MAP3K20: variants seen among roughly 807,000 people sequenced by gnomAD.
MAP3K20 encodes mitogen-activated protein kinase kinase kinase 20.
A neutral mutation model predicts 85.7 loss-of-function variants in MAP3K20; 40 were observed. That is an observed-to-expected ratio of 0.47 (90% confidence interval 0.36 to 0.61). The LOEUF (loss-of-function observed/expected upper bound fraction) is 0.61, where lower values mean the gene tolerates loss of function less well. Ranked by LOEUF, MAP3K20 falls within the 20% of genes least tolerant of loss-of-function variation. MAP3K20 has a pLI of 0.00. For synonymous variants in MAP3K20, 325 were observed against 327.7 expected, an observed-to-expected ratio of 0.99 and a Z score of 0.09; for missense variants, 817 against 961.7, an observed-to-expected ratio of 0.85 and a Z score of 1.99.
At chr2:173,156,413 A>G (rs1430075151) in intron 2 of MAP3K20, among the ~76,000 whole-genome samples, 4 of 152,138 alleles carry the variant, frequency 2.6e-5, no homozygotes, top group African/African-American at 9.7e-5. Flanking sequence ...AAGGGTTTCT[A>G]AGTGAGGTGG....
At chr2:173,095,915 C>T (rs1311016545) in intron 2 of MAP3K20, among the ~76,000 whole-genome samples, 2 of 151,974 alleles carry the variant, frequency 1.3e-5, no homozygotes, top group East Asian at 3.8e-4. Context: ...TTCATATTTT[C>T]CTATGATGAT....
chr2:173,123,547 GA>G (rs932096222), intron 2 of MAP3K20, among the ~76,000 whole-genome samples: 1 of 152,174 alleles, frequency 6.6e-6, no homozygotes, highest in Non-Finnish European at 1.5e-5. Flanking sequence ...AAGTTTTCCA[GA>G]AAAAGAAAGC....
intron 10 of MAP3K20, among the ~76,000 whole-genome samples, chr2:173,216,697 T>G (rs1684083765): frequency 6.6e-6 from 1 of 152,208 alleles, no homozygotes; most frequent in Admixed American, 6.5e-5. Context: ...GATGGTGTGT[T>G]GTTGACCACC....
intron 2 of MAP3K20, among the ~76,000 whole-genome samples, chr2:173,162,650 C>T (rs1689695212): frequency 6.8e-6 from 1 of 147,830 alleles, no homozygotes; most frequent in South Asian, 2.1e-4. Context: ...TGCGCCATTG[C>T]ACTCCAGCCT....
intron 2 of MAP3K20, among the ~76,000 whole-genome samples, chr2:173,142,533 A>G (rs781114858): frequency 6.6e-6 from 1 of 152,098 alleles, no homozygotes; most frequent in Non-Finnish European, 1.5e-5. Context: ...GAAGTGAGCA[A>G]GCATCTTACA....
At position 173,182,925 on chromosome 2, in the gene MAP3K20, A is replaced by G. The variant is rs759664582; in HGVS notation, c.319A>G (p.Ile107Val). The G allele has an allele frequency of 6.2e-7, 1 of 1,610,984 alleles. No homozygotes were observed. The highest frequency in any genetic ancestry group is 2.2e-5 in the East Asian group (1 of 44,694). The stretch of plus-strand genomic sequence containing the variant: ...AAGTGAGGAGATGGATATGGATCAC[A>G]TTATGACCTGGGCCACTGATGTAGC... ...NRSEEMDMDHIMTWATDVAKG... is the reference protein window; with the variant it reads ...NRSEEMDMDHVMTWATDVAKG... Residue 107 changes from isoleucine to valine, a missense_variant, in exon 4 of 20, where the codon ATT becomes GTT. Physicochemically the swap from Ile to Val is conservative, Grantham distance 29. Around this residue, in one of 4 missense-constraint regions of MAP3K20, gnomAD observed 200 missense variants for 302.7 expected, o/e 0.66. Coordinates refer to ENST00000375213, the MANE Select transcript of MAP3K20 (RefSeq NM_016653.3).
chr2:173,189,442 A>G (rs914574566), intron 5 of MAP3K20, among the ~76,000 whole-genome samples: 4 of 152,162 alleles, frequency 2.6e-5, no homozygotes, highest in Non-Finnish European at 4.4e-5. Context: ...TCAGAACTTT[A>G]TCCTTGGACT....
rs1336090851 is a variant in MAP3K20 at position 173,172,343 on chromosome 2, TA to T, written c.247+2453del. ...CAATTTGAGGTAGTTTTTTTTTTTT[TA>T]ATAGAAAAGGTTGTTGCAGCAGGCA... On this transcript the variant is annotated intron_variant, in intron 3 of 19. Transcript: ENST00000375213. Among the ~76,000 whole-genome samples the T allele has an allele frequency of 4.1e-5, 6 of 146,344 alleles. No individual in the cohort carries two copies. The East Asian group carries it at 1.2e-3, about 29-fold the overall frequency.
intron 2 of MAP3K20, among the ~76,000 whole-genome samples, chr2:173,138,507 G>T (rs567794320): frequency 6.6e-6 from 1 of 152,270 alleles, no homozygotes; most frequent in South Asian, 2.1e-4. Context: ...GAAAAGTTCT[G>T]TTCTCTTAGA....
chr2:173,245,499 G>A (rs899062828), intron 16 of MAP3K20, among the ~76,000 whole-genome samples: 1 of 152,198 alleles, frequency 6.6e-6, no homozygotes, highest in Admixed American at 6.5e-5. Context: ...CAAGTGAAAT[G>A]TGCTTTTTCT....
At chr2:173,201,026 T>C (rs926475000) in intron 8 of MAP3K20, among the ~76,000 whole-genome samples, 5 of 152,346 alleles carry the variant, frequency 3.3e-5, no homozygotes, top group African/African-American at 1.2e-4. Context: ...TGTAGTATAC[T>C]GTCAAGACCA....
chr2:173,089,781 C>G (rs1687241764), intron 1 of MAP3K20, among the ~76,000 whole-genome samples: 2 of 152,094 alleles, frequency 1.3e-5, no homozygotes, highest in African/African-American at 4.8e-5. Context: ...TCATGTTGGC[C>G]AGGCTGGTCT....
At position 173,176,301 on chromosome 2, in the gene MAP3K20, T is replaced by A. The variant is rs1426124469; in HGVS notation, c.247+6409T>A. 2.0e-5 allele frequency among the ~76,000 whole-genome samples: 3 copies of A among 152,124 alleles called. No individual in the cohort carries two copies. In the East Asian group the frequency reaches 5.8e-4, roughly 29 times the overall value. ...GGTTTTTCTACCTTTAAAATAAAGA[T>A]AATGATGAATAAAAATAAAAACATA... On this transcript the variant is annotated intron_variant, in intron 3 of 19. Coordinates refer to ENST00000375213, the MANE Select transcript of MAP3K20 (RefSeq NM_016653.3).
At chr2:173,222,079 G>A (rs1684267712) in intron 11 of MAP3K20, 1 of 927,424 alleles carries the variant, frequency 1.1e-6, no homozygotes, top group Non-Finnish European at 1.3e-6. Context: ...GCACACACCT[G>A]TAGTCCCAGA....
rs955598509 is a variant in MAP3K20, at chr2:173,261,126, G to C, written c.1540G>C (p.Val514Leu). 6.2e-7 allele frequency: 1 copy of C among 1,613,622 alleles called. No homozygotes were observed. The highest frequency in any genetic ancestry group is 1.7e-5 in the Admixed American group (1 of 60,016). The part of the protein sequence containing the change: ...IAKSQTVECT[V>L]TYESDVRTPK... The stretch of plus-strand genomic sequence containing the variant: ...AAAAAGTCAGACTGTGGAGTGCACT[G>C]TCACATATGAGGTAAGCTCTGGGGG... Residue 514 changes from valine to leucine, a missense_variant, in exon 18 of 20, where the codon GTC becomes CTC. Physicochemically the swap from Val to Leu is conservative, Grantham distance 32 (BLOSUM62 1). This residue lies in a region of MAP3K20 where 454 missense variants were observed against 476.9 expected (regional missense o/e 0.95). Coordinates refer to ENST00000375213, the MANE Select transcript of MAP3K20 (RefSeq NM_016653.3).
chr2:173,137,618 G>A (rs1022586911), intron 2 of MAP3K20, among the ~76,000 whole-genome samples: 6 of 151,486 alleles, frequency 4.0e-5, no homozygotes, highest in Non-Finnish European at 7.4e-5. Context: ...CCTTTTTCCT[G>A]TGAATAGGTA....
intron 11 of MAP3K20, chr2:173,226,503 T>C: frequency 1.0e-6 from 1 of 985,820 alleles, no homozygotes; most frequent in Non-Finnish European, 1.2e-6. Context: ...TAAAAATCTA[T>C]TCTCTCCTCT....
intron 2 of MAP3K20, among the ~76,000 whole-genome samples, chr2:173,117,230 G>A (rs1022536514): frequency 6.6e-5 from 10 of 152,184 alleles, no homozygotes; most frequent in Non-Finnish European, 8.8e-5. Context: ...AAGAATGCCT[G>A]AAGAGTTTCT....
rs1362053081 is a variant in MAP3K20, at chr2:173,090,921, T to C, written c.-34-77T>C. 3.4e-6 allele frequency: 5 copies of C among 1,457,508 alleles called. No individual in the cohort carries two copies. In the African/African-American group the frequency reaches 4.2e-5, roughly 12 times the overall value. The allele number at this position is 1,457,508 out of a possible 1,614,324, so 90.3% of individuals were successfully genotyped here. On this transcript the variant is annotated intron_variant, in intron 1 of 19. Transcript: ENST00000375213. ...AGTTTCACAGGACTCGTTCATGATA[T>C]ATTATCTAAAGTAGGATTCAGAGGA...
Sources: allele counts gnomAD v4.1 joint callset (sites outside exome capture counted in the v4.1 genomes callset), GRCh38; gene constraint gnomAD v4.1.1; regional missense constraint gnomAD v4.1.1; transcripts MANE v1.5; gene names NCBI Gene and HGNC (gene_info 2026-07-23, HGNC 2026-07-21).